The following PTPRD variants were observed in gnomAD, a reference collection of about 807,000 sequenced individuals.
PTPRD encodes the protein protein tyrosine phosphatase receptor type D, also known as receptor-type tyrosine-protein phosphatase delta.
In PTPRD, 34 loss-of-function variants were observed where a neutral mutation model predicts 214.5. The ratio of observed to expected loss-of-function variants is 0.16; its 90% CI spans 0.12 to 0.21. The LOEUF (loss-of-function observed/expected upper bound fraction) is 0.21, where lower values mean the gene tolerates loss of function less well. Among genes scored for constraint, PTPRD ranks in the 10% least tolerant of loss-of-function variants. The probability of loss-of-function intolerance (pLI) is 1.00; values close to 1 mark genes in which losing one functional copy is unlikely to be tolerated. For missense variants in PTPRD, 2,545 were observed against 2,398.7 expected, an observed-to-expected ratio of 1.06 and a Z score of -1.27; for synonymous variants, 1,128 against 845.7, an observed-to-expected ratio of 1.33 and a Z score of -5.79.
intron 11 of PTPRD, among the ~76,000 whole-genome samples, chr9:8,929,488 C>G (rs559015085): frequency 5.8e-4 from 88 of 152,010 alleles, no homozygotes; most frequent in African/African-American, 2.0e-3. Flanking sequence ...TGATGGATTA[C>G]ATTTATTGAT....
At chr9:9,437,370 G>T (rs1335434737) in intron 8 of PTPRD, among the ~76,000 whole-genome samples, 1 of 151,926 alleles carries the variant, frequency 6.6e-6, no homozygotes, top group Non-Finnish European at 1.5e-5. Context: ...ATTTTTGATT[G>T]CACTGTCACC....
chr9:9,478,183 A>C (rs555915442), intron 8 of PTPRD, among the ~76,000 whole-genome samples: 1 of 152,292 alleles, frequency 6.6e-6, no homozygotes, highest in East Asian at 1.9e-4. Flanking sequence ...TAACTTGAAC[A>C]TTTAAGACAT....
chr9:8,401,238 C>T (rs2092344857), intron 36 of PTPRD, among the ~76,000 whole-genome samples: 1 of 151,502 alleles, frequency 6.6e-6, no homozygotes, highest in African/African-American at 2.4e-5. Flanking sequence ...AATCTCAGCT[C>T]ACTGCAAACT....
intron 8 of PTPRD, among the ~76,000 whole-genome samples, chr9:9,547,454 A>C (rs1278380176): frequency 6.6e-6 from 1 of 152,098 alleles, no homozygotes; most frequent in African/African-American, 2.4e-5. Context: ...TTAGGAATCA[A>C]GCTGCCTAGC....
chr9:10,250,420 A>C (rs1054038330), intron 3 of PTPRD, among the ~76,000 whole-genome samples: 2 of 152,124 alleles, frequency 1.3e-5, no homozygotes, highest in African/African-American at 4.8e-5. Flanking sequence ...CAAATTTCGC[A>C]ATGTCAGAAA....
chr9:8,952,021 A>G (rs1323846903), intron 11 of PTPRD, among the ~76,000 whole-genome samples: 1 of 151,990 alleles, frequency 6.6e-6, no homozygotes, highest in Non-Finnish European at 1.5e-5. Context: ...ATATATACAC[A>G]TATATAAAAA....
At chr9:9,086,630 C>T (rs1307808402) in intron 10 of PTPRD, among the ~76,000 whole-genome samples, 1 of 152,142 alleles carries the variant, frequency 6.6e-6, no homozygotes, top group Non-Finnish European at 1.5e-5. Context: ...TTAAATTGTT[C>T]CTAGGAAATA....
intron 11 of PTPRD, among the ~76,000 whole-genome samples, chr9:8,773,272 G>A (rs1375077089): frequency 1.3e-5 from 2 of 151,872 alleles, no homozygotes; most frequent in South Asian, 2.1e-4. Context: ...TTTCTGTATA[G>A]CTATCTGTCC....
chr9:10,329,294 C>T (rs1019288227), intron 3 of PTPRD, among the ~76,000 whole-genome samples: 2 of 151,578 alleles, frequency 1.3e-5, no homozygotes, highest in Non-Finnish European at 3.0e-5. Flanking sequence ...TGTCATTGCC[C>T]TCTTTGCCAT....
intron 3 of PTPRD, among the ~76,000 whole-genome samples, chr9:10,073,804 C>T (rs906649892): frequency 3.9e-5 from 6 of 152,066 alleles, no homozygotes; most frequent in Non-Finnish European, 7.4e-5. Context: ...CACATTTATC[C>T]TCTACTCCCT....
At chr9:9,624,965 T>C (rs954339856) in intron 7 of PTPRD, among the ~76,000 whole-genome samples, 5 of 152,202 alleles carry the variant, frequency 3.3e-5, no homozygotes, top group East Asian at 1.9e-4. Context: ...TAAAGAATTA[T>C]TGCAAGGAAG....
intron 11 of PTPRD, among the ~76,000 whole-genome samples, chr9:8,739,086 G>C (rs1464759391): frequency 6.6e-6 from 1 of 152,182 alleles, no homozygotes; most frequent in Non-Finnish European, 1.5e-5. Context: ...TGTGCTGCTA[G>C]GACTCTCCAA....
At chr9:9,037,838 G>A (rs931220693) in intron 10 of PTPRD, among the ~76,000 whole-genome samples, 1 of 152,154 alleles carries the variant, frequency 6.6e-6, no homozygotes, top group Non-Finnish European at 1.5e-5. Flanking sequence ...GCACCTGGAA[G>A]CACAGTGAAA....
At chr9:9,424,408 G>A (rs769951686) in intron 8 of PTPRD, among the ~76,000 whole-genome samples, 1 of 152,164 alleles carries the variant, frequency 6.6e-6, no homozygotes, top group Non-Finnish European at 1.5e-5. Flanking sequence ...ACGGTCACTG[G>A]TTGAAGGTGA....
chr9:9,490,739 G>A lies in PTPRD; in HGVS notation c.-237+83993C>T, dbSNP rs564389956. Among the ~76,000 whole-genome samples the A allele has an allele frequency of 2.0e-5, 3 of 151,816 alleles. No homozygotes were observed. The East Asian group carries it at 5.8e-4, about 29-fold the overall frequency. On this transcript the variant is annotated intron_variant, in intron 8 of 45. Coordinates refer to ENST00000381196, the MANE Select transcript of PTPRD (RefSeq NM_002839.4). ...CTATAAAATATAAATAAAAGTAAAT[G>A]AGAAAAGAACTTAAACATTTCACTA...
intron 10 of PTPRD, among the ~76,000 whole-genome samples, chr9:9,022,313 G>A (rs1033519987): frequency 4.6e-5 from 7 of 152,136 alleles, no homozygotes; most frequent in Non-Finnish European, 1.0e-4. Flanking sequence ...ATTACTCACT[G>A]CTCACTCGTT....
chr9:10,372,779 G>A (rs2097652371), intron 2 of PTPRD, among the ~76,000 whole-genome samples: 1 of 151,574 alleles, frequency 6.6e-6, no homozygotes, highest in Non-Finnish European at 1.5e-5. Context: ...TACAAAGTGT[G>A]ACTAGCTTTT....
intron 5 of PTPRD, among the ~76,000 whole-genome samples, chr9:9,919,475 G>T (rs1018027195): frequency 6.6e-6 from 1 of 152,094 alleles, no homozygotes; most frequent in African/African-American, 2.4e-5. Flanking sequence ...CCCTTTAGAT[G>T]GCTGTGGAGT....
At chr9:8,563,436 C>CTTTTT (rs1036473887) in intron 14 of PTPRD, among the ~76,000 whole-genome samples, 8 of 130,640 alleles carry the variant, frequency 6.1e-5, no homozygotes, top group Non-Finnish European at 8.1e-5. Context: ...TTGATGTAGA[C>CTTTTT]TTTTTTTTTT....
Sources: gnomAD v4.1 joint callset for allele counts (sites outside exome capture counted in the v4.1 genomes callset) on GRCh38, gnomAD v4.1.1 for gene constraint, MANE v1.5 for transcripts, NCBI Gene and HGNC (gene_info 2026-07-23, HGNC 2026-07-21) for gene names.